Variants in TTC19 observed in about 807,000 individuals in gnomAD.
TTC19 encodes tetratricopeptide repeat domain 19.
In TTC19, 38 loss-of-function variants were observed where a neutral mutation model predicts 49.5. The ratio of observed to expected loss-of-function variants is 0.77; its 90% CI spans 0.59 to 1.01. The LOEUF is 1.01. Among genes scored for constraint, TTC19 ranks in the 50% least tolerant of loss-of-function variants. The pLI is 0.00. For missense variants in TTC19, 475 were observed against 477.7 expected (o/e 0.99, Z 0.05); for synonymous variants, 204 against 185.2 (o/e 1.10, Z -0.83).
chr17:16,005,794 A>G (rs996232356), intron 6 of TTC19, among the ~76,000 whole-genome samples: 6 of 152,214 alleles, frequency 3.9e-5, no homozygotes. Flanking sequence ...TCCTCACTGT[A>G]GGGCGGCCTG....
intron 7 of TTC19, among the ~76,000 whole-genome samples, chr17:16,017,476 C>G (rs1971251102): frequency 7.1e-6 from 1 of 140,148 alleles, no homozygotes; most frequent in African/African-American, 2.7e-5. Context: ...AAAAAGTATT[C>G]AGGCTGGGTG....
At chr17:16,034,039 T>C (rs1320221175), downstream of TTC19, among the ~76,000 whole-genome samples, 2 of 152,220 alleles carry the variant, frequency 1.3e-5, no homozygotes, top group African/African-American at 4.8e-5. Context: ...CTAATTTTGA[T>C]TTCTTAGTAT....
At chr17:16,032,570 G>A (rs1032195529), downstream of TTC19, 4 of 1,299,492 alleles carry the variant, frequency 3.1e-6, no homozygotes, top group African/African-American at 4.5e-5. Flanking sequence ...AGTAGAATAG[G>A]ATTATTGTAA....
In TTC19 at chr17:16,000,040, G is replaced by GCGCGGGC. The variant is rs1970667474; in HGVS notation, c.184+11_184+17dup. On this transcript the variant is annotated intron_variant, in intron 1 of 9. Transcript: ENST00000261647. ...TGCTGCCGCTGCTGGCAGGTGAGGG[G>GCGCGGGC]CGCGGGCCGGGCGGGGCCGGCCGGG... 6.3e-6 allele frequency: 8 copies of GCGCGGGC among 1,263,292 alleles called. No homozygotes were observed. The highest frequency in any genetic ancestry group is 7.9e-6 in the Non-Finnish European group (8 of 1,007,236). The allele number at this position is 1,263,292 out of a possible 1,614,324, so 78.3% of individuals were successfully genotyped here.
intron 3 of TTC19, among the ~76,000 whole-genome samples, chr17:16,002,468 C>T (rs1471933430): frequency 6.6e-5 from 10 of 152,142 alleles, no homozygotes; most frequent in African/African-American, 1.7e-4. Context: ...TGAGCCACCA[C>T]GCCCGGCCAC....
At chr17:16,020,384 A>G (rs1421501299) in intron 7 of TTC19, among the ~76,000 whole-genome samples, 1 of 152,174 alleles carries the variant, frequency 6.6e-6, no homozygotes, top group Admixed American at 6.5e-5. Flanking sequence ...ACGATTCGTA[A>G]GAGTTCCTTA....
chr17:16,035,769 T>A, intron 2 of TTC19, among the ~76,000 whole-genome samples: 1 of 152,054 alleles, frequency 6.6e-6, no homozygotes, highest in East Asian at 1.9e-4. Flanking sequence ...CTCAAACTCC[T>A]GGGTTCAAGT....
chr17:16,044,999 G>C, exon 3 of TTC19: 3 of 294,170 alleles, frequency 1.0e-5, no homozygotes, highest in Non-Finnish European at 1.3e-5. Context: ...CTGAACTTAA[G>C]AAAAAAAAAA....
At chr17:16,026,895 A>G (rs1255419157) in intron 9 of TTC19, 193 bp downstream of exon 9, 9 of 671,038 alleles carry the variant, frequency 1.3e-5, no homozygotes, top group Non-Finnish European at 2.4e-5. Flanking sequence ...CGTAACTTCT[A>G]CAGACCTGCA....
rs1555530998 is a variant in TTC19, at chr17:16,028,846, A to AAAAAAAAAAC, written c.*1324_*1325insAAAAAAAAAC. ...AAAAAAAAAAAAAAAAAAAAAAAAA[A>AAAAAAAAAAC]CTTTCTGAAGAAAATAAAAACACCA... On this transcript the variant is annotated 3_prime_UTR_variant, in exon 10 of 10. Coordinates refer to ENST00000261647, the MANE Select transcript of TTC19 (RefSeq NM_017775.4). The AAAAAAAAAAC allele has an allele frequency of 8.4e-6, 3 of 357,548 alleles. No individual in the cohort carries two copies. 22.1% of individuals were successfully genotyped at this position (357,548 alleles called of 1,614,324 possible).
downstream of TTC19, chr17:16,030,137 ATAAAG>A (rs1314660967): frequency 5.3e-6 from 1 of 188,772 alleles, no homozygotes; most frequent in Non-Finnish European, 1.1e-5. Context: ...TATTCTTACA[ATAAAG>A]TAAGCTAGAG....
At position 16,006,460 on chromosome 17, in the gene TTC19, A is replaced by C. The variant is rs372132660; in HGVS notation, c.582-14A>C. 1 of 1,567,488 alleles carries C rather than the reference A, an allele frequency of 6.4e-7. No homozygotes were observed. Among genetic ancestry groups the C allele is most frequent in the Non-Finnish European group, 8.8e-7 (1 of 1,138,342 alleles). ...AGAAAAGGTAAATGGCTGATTATTG[A>C]TTTTGCTTTACAGACAGGAATTTGC... is the stretch of plus-strand genomic sequence containing the variant. On this transcript the variant is annotated splice_polypyrimidine_tract_variant and intron_variant, in intron 6 of 9. Coordinates refer to ENST00000261647, the MANE Select transcript of TTC19 (RefSeq NM_017775.4).
chr17:16,039,554 T>A (rs1290753263), intron 2 of TTC19: 2 of 1,614,180 alleles, frequency 1.2e-6, no homozygotes, highest in South Asian at 2.2e-5. Flanking sequence ...GATCCTCAAC[T>A]TTGTCATCAA....
chr17:16,022,812 A>G (rs970629532), intron 7 of TTC19, among the ~76,000 whole-genome samples: 3 of 152,170 alleles, frequency 2.0e-5, no homozygotes, highest in African/African-American at 7.2e-5. Context: ...TGCTTCATGG[A>G]CTGAGTATAG....
rs1555530985 is a variant in TTC19 at position 16,028,755 on chromosome 17, A to ATG, written c.*1234_*1235insGT. On this transcript the variant is annotated 3_prime_UTR_variant, in exon 10 of 10. Coordinates refer to ENST00000261647, the MANE Select transcript of TTC19 (RefSeq NM_017775.4). ...TGGTTCGTATGTACATACTGGAAGA[A>ATG]TCTTCATAATAAATGAGACTACACA... 3 of 389,138 alleles carry ATG rather than the reference A, an allele frequency of 7.7e-6. No homozygotes were observed. In the African/African-American group the frequency reaches 1.1e-4, roughly 14 times the overall value. 24.1% of individuals were successfully genotyped at this position (389,138 alleles called of 1,614,324 possible). A position where few individuals can be genotyped will look rare whatever the true frequency, so the allele number is the denominator to read the frequency against.
rs202127797 is a variant in TTC19, at chr17:16,003,912, C to T, written c.519+25C>T. 4 of 1,610,972 alleles carry T rather than the reference C, an allele frequency of 2.5e-6. No homozygotes were observed. The African/African-American group carries it at 4.0e-5, about 16-fold the overall frequency. On this transcript the variant is annotated intron_variant, in intron 5 of 9. Transcript: ENST00000261647. ...GGTAAGGACATTGCCTAGTATTGGCCCCTCACTGAAGCAGTTTTCAAAACA... is the reference window on the plus strand; with the variant it reads ...GGTAAGGACATTGCCTAGTATTGGCTCCTCACTGAAGCAGTTTTCAAAACA...
At chr17:16,010,238 A>C (rs974943951) in intron 7 of TTC19, among the ~76,000 whole-genome samples, 1 of 144,390 alleles carries the variant, frequency 6.9e-6, no homozygotes, top group Non-Finnish European at 1.5e-5. Flanking sequence ...CAGTGGTGCA[A>C]TCTCGGCTCA....
Position 16,035,038 on chromosome 17 carries a change from C to G in TTC19, c.247+8336C>G, listed in dbSNP as rs74989478. 154 of 1,198,506 alleles carry G rather than the reference C, an allele frequency of 1.3e-4. 1 individual carries two copies. The East Asian group carries it at 3.8e-3, about 30-fold the overall frequency. 74.2% of individuals were successfully genotyped at this position (1,198,506 alleles called of 1,614,324 possible). On this transcript the variant is annotated intron_variant, in intron 2 of 2. Coordinates refer to the TTC19 transcript ENST00000470649. ...TATATATTGCTAAATGAAAAAAAAG[C>G]AGAATGGTAACATGAAGAATCCAGA...
At chr17:16,014,559 C>T (rs896091856) in intron 7 of TTC19, among the ~76,000 whole-genome samples, 2 of 152,104 alleles carry the variant, frequency 1.3e-5, no homozygotes, top group South Asian at 2.1e-4. Flanking sequence ...TCATACATTC[C>T]GGAAATCATG....
Sources: gnomAD v4.1 joint callset for allele counts (sites outside exome capture counted in the v4.1 genomes callset) on GRCh38, gnomAD v4.1.1 for gene constraint, MANE v1.5 for transcripts, NCBI Gene and HGNC (gene_info 2026-07-23, HGNC 2026-07-21) for gene names.